SIPA1L2: variants seen among roughly 807,000 people sequenced by gnomAD.
SIPA1L2 encodes signal-induced proliferation-associated 1-like protein 2.
Under a neutral mutation model 163.9 loss-of-function variants are expected in SIPA1L2, and 56 were observed. The observed-to-expected ratio is 0.34, with a 90% CI of 0.28 to 0.43. SIPA1L2 has a LOEUF of 0.43. SIPA1L2 is among the 20% of genes least tolerant of loss of function. SIPA1L2 has a pLI of 1.00. For synonymous variants in SIPA1L2, 877 were observed against 865.7 expected, an observed-to-expected ratio of 1.01 and a Z score of -0.23; for missense variants, 1,974 against 2,193.5, an observed-to-expected ratio of 0.90 and a Z score of 2.00.
intron 8 of SIPA1L2, among the ~76,000 whole-genome samples, chr1:232,466,555 T>C (rs992701880): frequency 1.3e-5 from 2 of 151,228 alleles, no homozygotes; most frequent in South Asian, 4.2e-4. Flanking sequence ...CTTTGGGAGG[T>C]CGAAGCGGGT....
intron 1 of SIPA1L2, among the ~76,000 whole-genome samples, chr1:232,605,144 C>G (rs545618371): frequency 4.8e-4 from 73 of 152,272 alleles, no homozygotes; most frequent in African/African-American, 1.6e-3. Context: ...TCCTGAGTAG[C>G]TAGGACTATA....
intron 4 of SIPA1L2, 26 bp downstream of exon 4, chr1:232,493,501 A>G: frequency 1.2e-6 from 2 of 1,613,670 alleles, no homozygotes; most frequent in Non-Finnish European, 8.5e-7. Flanking sequence ...CTTTAGCCCA[A>G]TAACTACGGC....
chr1:232,609,132 T>C (rs1662112498), intron 1 of SIPA1L2, among the ~76,000 whole-genome samples: 1 of 152,234 alleles, frequency 6.6e-6, no homozygotes, highest in African/African-American at 2.4e-5. Context: ...TGAACTTGTA[T>C]GGTGAGTCAC....
At chr1:232,612,026 C>T (rs1248284841) in intron 1 of SIPA1L2, among the ~76,000 whole-genome samples, 7 of 152,186 alleles carry the variant, frequency 4.6e-5, no homozygotes, top group East Asian at 3.9e-4. Flanking sequence ...TCACTCCAGC[C>T]GTGACTGAAA....
Position 232,433,907 on chromosome 1 carries a change from C to T in SIPA1L2, c.4032-1436G>A, listed in dbSNP as rs548091358. Among the ~76,000 whole-genome samples the T allele has an allele frequency of 3.3e-5, 5 of 152,292 alleles. No homozygotes were observed. The South Asian group carries it at 8.3e-4, about 25-fold the overall frequency. On this transcript the variant is annotated intron_variant, in intron 15 of 22. Transcript: ENST00000674635. ...AGACCCTGGGCAAGTTTCTTAACCT[C>T]AGTTTTCTCATCTGTAAATTGAGGA...
chr1:232,465,227 A>C lies in SIPA1L2; in HGVS notation c.2433T>G (p.Asp811Glu). The C allele has an allele frequency of 6.2e-7, 1 of 1,614,202 alleles. No homozygotes were observed. Among genetic ancestry groups the C allele is most frequent in the Non-Finnish European group, 8.5e-7 (1 of 1,180,036 alleles). The change falls in exon 9 of 23, where the codon GAT becomes GAG. Residue 811 changes from aspartate to glutamate, a missense_variant. Asp to Glu is a conservative substitution (Grantham distance 45). This residue lies in a region of SIPA1L2 where 288 missense variants were observed against 418.9 expected (regional missense o/e 0.69). Coordinates refer to ENST00000674635, the MANE Select transcript of SIPA1L2 (RefSeq NM_020808.5). This position sits in a 1 kb window ranked among gnomAD's most constrained non-coding sequence, Gnocchi z 4.1. ...CGGTTGTGACAAAGTTCTCCGCCAG[A>C]TCTTTCAAGTACTCCTGCCTCGTTC... ...ATRTRQEYLK[D>E]LAENFVTTAT... is the part of the protein sequence containing the mutation.
chr1:232,572,738 CATAT>C (rs1219493276), intron 2 of SIPA1L2, among the ~76,000 whole-genome samples: 661 of 39,418 alleles, frequency 0.017, 5 homozygotes, highest in South Asian at 0.038. Flanking sequence ...TACATACATA[CATAT>C]ATATATATAT....
chr1:232,520,243 C>T (rs1667402721), intron 2 of SIPA1L2, among the ~76,000 whole-genome samples: 1 of 152,136 alleles, frequency 6.6e-6, no homozygotes, highest in South Asian at 2.1e-4. Context: ...TGGCTTTGCT[C>T]CCCAGTAAAA....
chr1:232,419,196 T>C (rs1225973550), intron 18 of SIPA1L2, among the ~76,000 whole-genome samples: 1 of 152,052 alleles, frequency 6.6e-6, no homozygotes, highest in Non-Finnish European at 1.5e-5. Context: ...GCTATGAAAA[T>C]ATGGGGATTT....
intron 18 of SIPA1L2, among the ~76,000 whole-genome samples, chr1:232,419,847 C>G (rs1661465423): frequency 6.6e-6 from 1 of 152,248 alleles, no homozygotes; most frequent in South Asian, 2.1e-4. Context: ...ACTTTTATCA[C>G]TACCCCCATC....
chr1:232,470,355 T>A (rs1338990811), intron 8 of SIPA1L2, among the ~76,000 whole-genome samples: 3 of 152,200 alleles, frequency 2.0e-5, no homozygotes, highest in African/African-American at 7.2e-5. Flanking sequence ...GGGCTATGTT[T>A]AATAAGGCGA....
At chr1:232,546,884 C>G (rs1658062364) in intron 2 of SIPA1L2, among the ~76,000 whole-genome samples, 1 of 152,176 alleles carries the variant, frequency 6.6e-6, no homozygotes, top group African/African-American at 2.4e-5. Flanking sequence ...GAAACGAATA[C>G]TCAGATCCTC....
intron 15 of SIPA1L2, among the ~76,000 whole-genome samples, chr1:232,435,252 C>G (rs577746566): frequency 6.6e-6 from 1 of 152,272 alleles, no homozygotes; most frequent in Admixed American, 6.5e-5. Context: ...ATCACAAACT[C>G]TATGTATTTT....
At chr1:232,400,586 G>A (rs970854401) in intron 22 of SIPA1L2, among the ~76,000 whole-genome samples, 3 of 152,210 alleles carry the variant, frequency 2.0e-5, no homozygotes, top group East Asian at 1.9e-4. Context: ...GTGCCATTAG[G>A]TCATGAGACC....
intron 1 of SIPA1L2, among the ~76,000 whole-genome samples, chr1:232,616,148 G>C (rs1328493818): frequency 6.6e-6 from 1 of 152,124 alleles, no homozygotes; most frequent in Non-Finnish European, 1.5e-5. Flanking sequence ...AATGTGTTCT[G>C]CATCTTGGGA....
Position 232,428,491 on chromosome 1 carries a change from T to C in SIPA1L2, c.4330A>G (p.Thr1444Ala), listed in dbSNP as rs767432999. 3 of 1,601,968 alleles carry C rather than the reference T, an allele frequency of 1.9e-6. No homozygotes were observed. The Admixed American group carries it at 5.2e-5, about 28-fold the overall frequency. ...TCTTCTTTAGACAGAACATGTTGAG[T>C]CTCTGCAACAGCATCTCCCACCACT... ...QTVVGDAVAE[T>A]QHVLSKEDFL... The change falls in exon 17 of 23, where the codon ACT (threonine) becomes GCT (alanine). Residue 1444 changes from threonine (T) to alanine (A), a missense_variant. Around this residue, in one of 3 missense-constraint regions of SIPA1L2, gnomAD observed 1,079 missense variants for 1,150.7 expected, o/e 0.94. Transcript: ENST00000674635.
At chr1:232,599,373 G>A (rs1030314320) in intron 1 of SIPA1L2, among the ~76,000 whole-genome samples, 1 of 152,184 alleles carries the variant, frequency 6.6e-6, no homozygotes, top group Non-Finnish European at 1.5e-5. Flanking sequence ...ATACCACTCA[G>A]CAAGGCATCC....
chr1:232,405,341 A>C (rs538084938), intron 19 of SIPA1L2, among the ~76,000 whole-genome samples: 2 of 152,258 alleles, frequency 1.3e-5, no homozygotes, highest in Non-Finnish European at 2.9e-5. Flanking sequence ...CCACACATCG[A>C]ATCTTCCATA....
chr1:232,605,726 C>CA (rs1179726812), intron 1 of SIPA1L2, among the ~76,000 whole-genome samples: 1 of 149,896 alleles, frequency 6.7e-6, no homozygotes, highest in African/African-American at 2.5e-5. Context: ...AAACAAAAAA[C>CA]AAAAAAATAA....
Sources: allele counts gnomAD v4.1 joint callset (sites outside exome capture counted in the v4.1 genomes callset), GRCh38; gene constraint gnomAD v4.1.1; regional missense constraint gnomAD v4.1.1; non-coding constraint Gnocchi (gnomAD v3.1); transcripts MANE v1.5; gene names NCBI Gene and HGNC (gene_info 2026-07-23, HGNC 2026-07-21).